SSBP2: variants seen among roughly 807,000 people sequenced by gnomAD.
SSBP2 encodes single stranded DNA binding protein 2, also known as single-stranded DNA-binding protein 2.
Under a neutral mutation model 61.8 loss-of-function variants are expected in SSBP2, and 17 were observed. That is an observed-to-expected ratio of 0.28 (90% CI 0.19 to 0.41). SSBP2 has a LOEUF of 0.41. Ranked by LOEUF, SSBP2 falls within the 10% of genes least tolerant of loss-of-function variation. The pLI, the probability that SSBP2 is intolerant of heterozygous loss-of-function variation, is 1.00. For missense variants in SSBP2, 310 were observed against 458.7 expected (o/e 0.68, Z 2.96); for synonymous variants, 139 against 141.3 (o/e 0.98, Z 0.12).
At chr5:81,502,660 C>T (rs1195867799) in intron 5 of SSBP2, among the ~76,000 whole-genome samples, 6 of 152,208 alleles carry the variant, frequency 3.9e-5, no homozygotes, top group Non-Finnish European at 8.8e-5. Flanking sequence ...CCATCTCACA[C>T]CTCCTCTTGA....
intron 1 of SSBP2, among the ~76,000 whole-genome samples, chr5:81,737,787 C>CAAA (rs35211460): frequency 1.1e-4 from 12 of 108,246 alleles, no homozygotes; most frequent in Admixed American, 2.8e-4. Context: ...GACTCCATCT[C>CAAA]AAAAAAAAAA....
At chr5:81,684,099 ATACT>A (rs754689896) in intron 1 of SSBP2, among the ~76,000 whole-genome samples, 1 of 152,194 alleles carries the variant, frequency 6.6e-6, no homozygotes, top group Non-Finnish European at 1.5e-5. Context: ...CATCTCCTTA[ATACT>A]TACTCAAAAA....
intron 4 of SSBP2, among the ~76,000 whole-genome samples, chr5:81,561,427 T>C (rs1032453420): frequency 5.3e-5 from 8 of 152,148 alleles, no homozygotes; most frequent in Non-Finnish European, 1.0e-4. Context: ...TTATTAATCT[T>C]AAAAAATAAT....
At chr5:81,465,618 C>T (rs1264469491) in intron 9 of SSBP2, among the ~76,000 whole-genome samples, 2 of 151,962 alleles carry the variant, frequency 1.3e-5, no homozygotes, top group South Asian at 4.2e-4. Context: ...AATATATACT[C>T]CTTACATTTA....
Position 81,413,450 on chromosome 5 carries a change from A to G in SSBP2, c.*7054T>C, listed in dbSNP as rs144695261. 1.3e-5 allele frequency: 2 copies of G among 152,344 alleles called. No individual in the cohort carries two copies. The highest frequency in any genetic ancestry group is 4.8e-5 in the African/African-American group (2 of 41,586). The allele number at this position is 152,344 out of a possible 1,614,324, so 9.4% of individuals were successfully genotyped here. A position where few individuals can be genotyped will look rare whatever the true frequency, so the allele number is the denominator to read the frequency against. On this transcript the variant is annotated 3_prime_UTR_variant, in exon 17 of 17. Transcript: ENST00000320672. ...TAAATTGTGCATTTATAAAAACCTTACAAATACTTCTATTTTTCCAGGAAG... is the reference window on the plus strand; with the variant it reads ...TAAATTGTGCATTTATAAAAACCTTGCAAATACTTCTATTTTTCCAGGAAG...
At chr5:81,466,588 TTATCTACTTCTAC>T (rs1467683086) in intron 9 of SSBP2, among the ~76,000 whole-genome samples, 4 of 152,016 alleles carry the variant, frequency 2.6e-5, no homozygotes. Flanking sequence ...CCGTATTCAA[TTATCTACTTCTAC>T]AGAGTTAAGT....
At chr5:81,467,951 C>G (rs1445579823) in intron 8 of SSBP2, among the ~76,000 whole-genome samples, 2 of 151,950 alleles carry the variant, frequency 1.3e-5, no homozygotes, top group African/African-American at 2.4e-5. Context: ...TGTTCAACAA[C>G]TACTTATATG....
At chr5:81,629,383 C>G (rs1009015202) in intron 3 of SSBP2, among the ~76,000 whole-genome samples, 2 of 152,178 alleles carry the variant, frequency 1.3e-5, no homozygotes, top group African/African-American at 4.8e-5. Context: ...GATATAGTCC[C>G]AAATCCTTAA....
At chr5:81,484,521 T>TA (rs1326303129) in intron 6 of SSBP2, among the ~76,000 whole-genome samples, 1 of 152,102 alleles carries the variant, frequency 6.6e-6, no homozygotes, top group Non-Finnish European at 1.5e-5. Flanking sequence ...TACTATATTT[T>TA]AATCTTGCCA....
rs1397098018 is a variant in SSBP2 at position 81,717,707 on chromosome 5, A to T, written c.62+33274T>A. 2.6e-5 allele frequency among the ~76,000 whole-genome samples: 4 copies of T among 152,216 alleles called. No individual in the cohort carries two copies. In the East Asian group the frequency reaches 5.8e-4, roughly 22 times the overall value. The stretch of plus-strand genomic sequence containing the variant: ...TGTTCAAGACTTTCTACCAGCTTCT[A>T]TTAACCTTTTTTGCTGCTTCAATCC... On this transcript the variant is annotated intron_variant, in intron 1 of 16. Transcript: ENST00000320672.
At chr5:81,655,411 C>T (rs556958003) in intron 1 of SSBP2, among the ~76,000 whole-genome samples, 111 of 152,010 alleles carry the variant, frequency 7.3e-4, no homozygotes, top group Non-Finnish European at 1.2e-3. Flanking sequence ...AAAGTAGAAC[C>T]AGTCGTTTTT....
At chr5:81,438,757 TTCTACAAA>T (rs1479224997) in intron 14 of SSBP2, among the ~76,000 whole-genome samples, 2 of 152,188 alleles carry the variant, frequency 1.3e-5, no homozygotes, top group African/African-American at 4.8e-5. Context: ...TTGTGAATGG[TTCTACAAA>T]TAACAATATT....
chr5:81,740,103 A>C (rs532933567), intron 1 of SSBP2, among the ~76,000 whole-genome samples: 1 of 152,256 alleles, frequency 6.6e-6, no homozygotes, highest in African/African-American at 2.4e-5. Flanking sequence ...TATATAATTG[A>C]CTCAGTAAAA....
intron 1 of SSBP2, among the ~76,000 whole-genome samples, chr5:81,747,346 T>C (rs975162240): frequency 5.9e-5 from 9 of 152,134 alleles, no homozygotes; most frequent in Non-Finnish European, 1.2e-4. Flanking sequence ...TCTAGCATTG[T>C]ATCCCTCGGT....
intron 16 of SSBP2, among the ~76,000 whole-genome samples, chr5:81,424,852 T>TGG (rs2153896274): frequency 6.6e-6 from 1 of 152,370 alleles, no homozygotes; most frequent in South Asian, 2.1e-4. Context: ...TGTACTGTAC[T>TGG]GAGACCACAC....
At chr5:81,462,341 A>G (rs1188264423) in intron 9 of SSBP2, among the ~76,000 whole-genome samples, 1 of 152,188 alleles carries the variant, frequency 6.6e-6, no homozygotes, top group Non-Finnish European at 1.5e-5. Flanking sequence ...TTATGATATT[A>G]CCCATGTTTG....
intron 10 of SSBP2, among the ~76,000 whole-genome samples, chr5:81,456,758 C>T (rs1351776043): frequency 6.6e-6 from 1 of 151,964 alleles, no homozygotes; most frequent in Non-Finnish European, 1.5e-5. Flanking sequence ...AATGTTTTTC[C>T]TGCTGTCATG....
intron 4 of SSBP2, among the ~76,000 whole-genome samples, chr5:81,582,901 T>C (rs1202557140): frequency 6.6e-6 from 1 of 152,156 alleles, no homozygotes; most frequent in Non-Finnish European, 1.5e-5. Context: ...CCTTACTGTC[T>C]TCTTTTAACA....
Position 81,603,070 on chromosome 5 carries a change from G to C in SSBP2, c.282+12403C>G, listed in dbSNP as rs544573698. Among the ~76,000 whole-genome samples the C allele has an allele frequency of 2.6e-5, 4 of 152,272 alleles. No individual in the cohort carries two copies. In the South Asian group the frequency reaches 8.3e-4, roughly 32 times the overall value. ...AATTCTGTTATGATTACCTATTGCT[G>C]TGTAACAGACCATCCCAAACTTAGT... On this transcript the variant is annotated intron_variant, in intron 4 of 16. Coordinates refer to ENST00000320672, the MANE Select transcript of SSBP2 (RefSeq NM_012446.5).
Sources: gnomAD v4.1 joint callset for allele counts (sites outside exome capture counted in the v4.1 genomes callset) on GRCh38, gnomAD v4.1.1 for gene constraint, MANE v1.5 for transcripts, NCBI Gene and HGNC (gene_info 2026-07-23, HGNC 2026-07-21) for gene names.